The following CPA3 variants were observed in gnomAD, a reference collection of about 807,000 sequenced individuals.
The protein encoded by CPA3 is carboxypeptidase A3.
CPA3 carries 52 observed loss-of-function variants against 55.8 expected under a neutral mutation model. The observed-to-expected ratio is 0.93, with a 90% CI of 0.75 to 1.17. The LOEUF is 1.17. CPA3 is among the 50% of genes most tolerant of loss of function. The pLI, the probability that CPA3 is intolerant of heterozygous loss-of-function variation, is 0.00. For missense variants in CPA3, 547 were observed against 509.1 expected, an observed-to-expected ratio of 1.07 and a Z score of -0.72; for synonymous variants, 179 against 171.2, an observed-to-expected ratio of 1.05 and a Z score of -0.36.
chr3:148,892,226 A>T (rs1714690925), intron 10 of CPA3, among the ~76,000 whole-genome samples: 1 of 151,692 alleles, frequency 6.6e-6, no homozygotes, highest in Admixed American at 6.6e-5. Flanking sequence ...CTTACTTCTG[A>T]CTCTCCTCAT....
At chr3:148,884,753 A>G (rs1714481286) in intron 9 of CPA3, among the ~76,000 whole-genome samples, 1 of 151,926 alleles carries the variant, frequency 6.6e-6, no homozygotes, top group South Asian at 2.1e-4. Flanking sequence ...TTATTATCCA[A>G]TGTAGGTGAT....
chr3:148,878,802 TAA>T, intron 5 of CPA3, 54 bp downstream of exon 5: 1 of 1,077,140 alleles, frequency 9.3e-7, no homozygotes, highest in South Asian at 1.4e-5. Flanking sequence ...AACATGAATT[TAA>T]AAGTTACTTT....
chr3:148,896,804 C>A lies in CPA3; in HGVS notation c.*97C>A. 1 of 1,004,038 alleles carries A rather than the reference C, an allele frequency of 1.0e-6. No homozygotes were observed. The highest frequency in any genetic ancestry group is 2.7e-5 in the South Asian group (1 of 36,682). The allele number at this position is 1,004,038 out of a possible 1,614,324, so 62.2% of individuals were successfully genotyped here. On this transcript the variant is annotated 3_prime_UTR_variant, in exon 11 of 11. Transcript: ENST00000296046. ...TTATCCCCAAATGCAGCTTCTATTTCACCTGAATCCTTCTCTTGCTCATTT... is the reference window on the plus strand; with the variant it reads ...TTATCCCCAAATGCAGCTTCTATTTAACCTGAATCCTTCTCTTGCTCATTT...
chr3:148,871,323 A>G (rs908871039), intron 3 of CPA3, among the ~76,000 whole-genome samples: 2 of 152,362 alleles, frequency 1.3e-5, no homozygotes, highest in African/African-American at 4.8e-5. Context: ...AAAATAAAGT[A>G]GTGGTGTGGC....
rs531479117 is a variant in CPA3 at position 148,873,605 on chromosome 3, G to A, written c.269+4566G>A. On this transcript the variant is annotated intron_variant, in intron 3 of 10. Coordinates refer to ENST00000296046, the MANE Select transcript of CPA3 (RefSeq NM_001870.4). ...TTGGGCCAACTGTGCACCAACCTCC[G>A]AAGACTAAGGAGAGTGCAGATCTGA... Among the ~76,000 whole-genome samples, 22 of 152,280 alleles carry A rather than the reference G, an allele frequency of 1.4e-4. No individual in the cohort carries two copies. In the South Asian group the frequency reaches 3.9e-3, roughly 27 times the overall value.
rs546987976 is a variant in CPA3, at chr3:148,884,330, C to T, written c.981+515C>T. ...ATGTTATCTTTCCAAAACTATGATC[C>T]ATTAAGCACCATTTTGTTTATAAAA... On this transcript the variant is annotated intron_variant, in intron 9 of 10. Transcript: ENST00000296046. Among the ~76,000 whole-genome samples, 6 of 152,128 alleles carry T rather than the reference C, an allele frequency of 3.9e-5. No homozygotes were observed. The South Asian group carries it at 1.2e-3, about 32-fold the overall frequency.
chr3:148,882,923 A>G (rs1247047011), intron 8 of CPA3, among the ~76,000 whole-genome samples: 3 of 152,194 alleles, frequency 2.0e-5, no homozygotes, highest in African/African-American at 7.2e-5. Flanking sequence ...GAGAAATGTC[A>G]GTGGCTAAAA....
At chr3:148,886,811 T>C (rs1392545809) in intron 10 of CPA3, among the ~76,000 whole-genome samples, 1 of 152,220 alleles carries the variant, frequency 6.6e-6, no homozygotes, top group East Asian at 1.9e-4. Context: ...GTCTTTTCCC[T>C]AGCTGAAAAA....
chr3:148,888,422 C>G (rs1350776696), intron 10 of CPA3, among the ~76,000 whole-genome samples: 1 of 152,248 alleles, frequency 6.6e-6, no homozygotes, highest in Non-Finnish European at 1.5e-5. Context: ...CCAGCATCCA[C>G]ATAGATCTTG....
intron 10 of CPA3, among the ~76,000 whole-genome samples, chr3:148,893,790 G>T (rs1286932142): frequency 6.6e-6 from 1 of 152,176 alleles, no homozygotes; most frequent in Admixed American, 6.5e-5. Context: ...AGACAGAAAT[G>T]ATCTAGAGTT....
chr3:148,874,251 T>C (rs1714152980), intron 3 of CPA3, among the ~76,000 whole-genome samples: 1 of 152,184 alleles, frequency 6.6e-6, no homozygotes, highest in East Asian at 1.9e-4. Flanking sequence ...AAGAGCTAAA[T>C]TGATATGTGT....
At chr3:148,885,624 A>G (rs1714509642) in intron 9 of CPA3, among the ~76,000 whole-genome samples, 1 of 151,828 alleles carries the variant, frequency 6.6e-6, no homozygotes, top group African/African-American at 2.4e-5. Context: ...GCTAGCCAGG[A>G]TGGTCTCCAT....
chr3:148,877,322 C>A (rs1714235663), intron 3 of CPA3, among the ~76,000 whole-genome samples: 1 of 152,128 alleles, frequency 6.6e-6, no homozygotes, highest in African/African-American at 2.4e-5. Flanking sequence ...ATGGAGAAAC[C>A]CCGTCTCTAC....
At chr3:148,870,989 C>T (rs1020682501) in intron 3 of CPA3, among the ~76,000 whole-genome samples, 1 of 152,172 alleles carries the variant, frequency 6.6e-6, no homozygotes, top group Non-Finnish European at 1.5e-5. Flanking sequence ...AGCTCCGCCT[C>T]CCGGGTTCAC....
At chr3:148,869,627 A>C (rs1180593749) in intron 3 of CPA3, among the ~76,000 whole-genome samples, 1 of 152,224 alleles carries the variant, frequency 6.6e-6, no homozygotes, top group African/African-American at 2.4e-5. Context: ...CAAAGAGAAA[A>C]GAATCTCAAA....
chr3:148,881,756 A>T (rs978076503), intron 7 of CPA3, 124 bp downstream of exon 7: 3 of 472,976 alleles, frequency 6.3e-6, no homozygotes, highest in South Asian at 6.8e-5. Flanking sequence ...TATATTTTTT[A>T]AAATCTCAGT....
In CPA3 at chr3:148,883,799, C is replaced by G. The variant is rs1191216293; in HGVS notation, c.965C>G (p.Pro322Arg). The G allele has an allele frequency of 2.4e-5, 39 of 1,613,702 alleles. No homozygotes were observed. Among genetic ancestry groups the G allele is most frequent in the Non-Finnish European group, 3.3e-5 (39 of 1,179,750 alleles). The change falls in exon 9 of 11, where the codon CCT (proline) becomes CGT (arginine). Residue 322 changes from proline to arginine, a missense_variant. Transcript: ENST00000296046. ...FPYGYTSKLP[P>R]NHEDLAKVAK... Reference sequence around the variant, plus strand: ...TATGGATATACATCAAAACTGCCACCTAACCATGAGGACTTGGTACGTAGA... The same window carrying G: ...TATGGATATACATCAAAACTGCCACGTAACCATGAGGACTTGGTACGTAGA...
intron 6 of CPA3, among the ~76,000 whole-genome samples, chr3:148,881,174 A>G (rs73016137): frequency 0.066 from 10,108 of 152,188 alleles, 1,151 homozygotes; most frequent in African/African-American, 0.23. Flanking sequence ...TTTATGTAAA[A>G]GATGTGAGAG....
In CPA3 at chr3:148,882,485, T is replaced by C. The variant is rs1714398310; in HGVS notation, c.688-20T>C. 6.2e-7 allele frequency: 1 copy of C among 1,604,784 alleles called. No individual in the cohort carries two copies. Among genetic ancestry groups the C allele is most frequent in the Non-Finnish European group, 8.5e-7 (1 of 1,171,908 alleles). On this transcript the variant is annotated intron_variant, in intron 7 of 10. Transcript: ENST00000296046. Reference sequence around the variant, plus strand: ...TGCAAACTGATCTTGTGTAAACACTTACGTCATTCAATCTGGCAGAACCGC... The same window carrying C: ...TGCAAACTGATCTTGTGTAAACACTCACGTCATTCAATCTGGCAGAACCGC...
Sources: allele counts gnomAD v4.1 joint callset (sites outside exome capture counted in the v4.1 genomes callset), GRCh38; gene constraint gnomAD v4.1.1; transcripts MANE v1.5; gene names NCBI Gene and HGNC (gene_info 2026-07-23, HGNC 2026-07-21).